Variants in GRIK1 observed in about 807,000 individuals in gnomAD.
GRIK1 encodes the protein glutamate ionotropic receptor kainate type subunit 1, also known as glutamate receptor ionotropic, kainate 1.
Under a neutral mutation model 105.7 loss-of-function variants are expected in GRIK1, and 69 were observed. That is an observed-to-expected ratio of 0.65 (90% confidence interval 0.54 to 0.80). The LOEUF is 0.80. Ranked by LOEUF, GRIK1 falls within the 30% of genes least tolerant of loss-of-function variation. The pLI is 0.00. For missense variants in GRIK1, 1,109 were observed against 1,167.3 expected (o/e 0.95, Z 0.73); for synonymous variants, 438 against 431.3 (o/e 1.02, Z -0.19).
intron 1 of GRIK1, among the ~76,000 whole-genome samples, chr21:29,745,121 C>T (rs762934604): frequency 1.3e-5 from 2 of 152,086 alleles, no homozygotes; most frequent in Non-Finnish European, 2.9e-5. Flanking sequence ...GGCAGAGTCT[C>T]TCTAATGCTT....
rs975183390 is a variant in GRIK1, at chr21:29,874,253, C to G, written c.118+65130G>C. Among the ~76,000 whole-genome samples the G allele has an allele frequency of 5.9e-5, 9 of 152,198 alleles. No homozygotes were observed. The South Asian group carries it at 1.2e-3, about 21-fold the overall frequency. On this transcript the variant is annotated intron_variant, in intron 1 of 17. Transcript: ENST00000327783. ...GGAAGTGGCCATGTTAAATGTTACCCGAGCCCTGTACCCCTGGATATCAGC... is the reference window on the plus strand; with the variant it reads ...GGAAGTGGCCATGTTAAATGTTACCGGAGCCCTGTACCCCTGGATATCAGC...
intron 1 of GRIK1, among the ~76,000 whole-genome samples, chr21:29,781,657 CT>C (rs71191125): frequency 0.06 from 4,139 of 69,100 alleles, 5 homozygotes; most frequent in Middle Eastern, 0.079. Context: ...CCTACTGTTT[CT>C]TTTTTTTTTT....
intron 7 of GRIK1, among the ~76,000 whole-genome samples, chr21:29,618,648 G>GAT (rs776975725): frequency 6.6e-6 from 1 of 152,096 alleles, no homozygotes; most frequent in African/African-American, 2.4e-5. Context: ...AAGAAAGTGT[G>GAT]ATATATATAT....
chr21:29,844,348 A>G (rs1230764061), intron 1 of GRIK1, among the ~76,000 whole-genome samples: 5 of 152,200 alleles, frequency 3.3e-5, no homozygotes, highest in Non-Finnish European at 7.3e-5. Flanking sequence ...CTGAGGGTCA[A>G]AATTAAACTC....
At chr21:29,863,274 C>T (rs950992463) in intron 1 of GRIK1, among the ~76,000 whole-genome samples, 3 of 152,116 alleles carry the variant, frequency 2.0e-5, no homozygotes, top group Non-Finnish European at 4.4e-5. Flanking sequence ...TTCAGTAAGT[C>T]AGGGGTGGAG....
At chr21:29,584,040 A>G (rs1411901863) in intron 12 of GRIK1, among the ~76,000 whole-genome samples, 2 of 152,200 alleles carry the variant, frequency 1.3e-5, no homozygotes, top group African/African-American at 4.8e-5. Context: ...CAAAACTTGC[A>G]TATAGAAGAG....
chr21:29,580,089 G>GTA (rs200371058), intron 13 of GRIK1, among the ~76,000 whole-genome samples: 2 of 143,396 alleles, frequency 1.4e-5, no homozygotes, highest in African/African-American at 5.2e-5. Flanking sequence ...ATATGTGTGT[G>GTA]TATATATATG....
intron 1 of GRIK1, among the ~76,000 whole-genome samples, chr21:29,726,006 C>T (rs1267182356): frequency 6.6e-6 from 1 of 152,074 alleles, no homozygotes; most frequent in Non-Finnish European, 1.5e-5. Context: ...AGATCTGGTT[C>T]AGGTGGAAAG....
At chr21:29,594,755 A>G (rs1195575632) in intron 9 of GRIK1, among the ~76,000 whole-genome samples, 1 of 152,200 alleles carries the variant, frequency 6.6e-6, no homozygotes, top group Non-Finnish European at 1.5e-5. Flanking sequence ...TCAACATCTA[A>G]AGTGGCTGAG....
chr21:29,751,375 C>T (rs2065197232), intron 1 of GRIK1, among the ~76,000 whole-genome samples: 1 of 152,198 alleles, frequency 6.6e-6, no homozygotes, highest in African/African-American at 2.4e-5. Flanking sequence ...ACATTTCTGT[C>T]CTTAGCTTAC....
intron 1 of GRIK1, among the ~76,000 whole-genome samples, chr21:29,837,363 C>T (rs1024271535): frequency 6.6e-6 from 1 of 152,120 alleles, no homozygotes; most frequent in Non-Finnish European, 1.5e-5. Context: ...TTCCGAAAGC[C>T]TTTAGCAGCA....
intron 1 of GRIK1, among the ~76,000 whole-genome samples, chr21:29,740,974 C>T (rs1332142423): frequency 6.6e-6 from 1 of 152,188 alleles, no homozygotes; most frequent in Admixed American, 6.5e-5. Flanking sequence ...GATGTAGAAA[C>T]CAACTCCCTT....
chr21:29,553,487 A>G (rs1344641176), intron 16 of GRIK1: 6 of 1,476,272 alleles, frequency 4.1e-6, no homozygotes, highest in Non-Finnish European at 5.3e-6. Flanking sequence ...GCAAATACAA[A>G]TATCAACAAC....
chr21:29,628,722 C>G lies in GRIK1; in HGVS notation c.1098+14104G>C, dbSNP rs141193005. On this transcript the variant is annotated intron_variant, in intron 7 of 17. Coordinates refer to ENST00000327783, the MANE Select transcript of GRIK1 (RefSeq NM_001330994.2). ...ATAGGTGAAGTGGGTGGGAATGGGG[C>G]TCTTGTCTAATTAGCTAGATAATGT... 1.3e-3 allele frequency among the ~76,000 whole-genome samples: 197 copies of G among 152,260 alleles called. 1 individual carries two copies. The highest frequency in any genetic ancestry group is 4.5e-3 in the African/African-American group (189 of 41,554).
intron 13 of GRIK1, among the ~76,000 whole-genome samples, chr21:29,577,696 A>T (rs879638355): frequency 1.3e-5 from 2 of 152,254 alleles, no homozygotes; most frequent in Non-Finnish European, 2.9e-5. Context: ...AGATGCAGCC[A>T]TACTTGACAG....
At chr21:29,644,509 A>G (rs2062578283) in intron 6 of GRIK1, among the ~76,000 whole-genome samples, 1 of 152,218 alleles carries the variant, frequency 6.6e-6, no homozygotes, top group African/African-American at 2.4e-5. Context: ...AAGAAAAAGC[A>G]TTTCATTCAT....
chr21:29,676,924 T>C (rs1433656194), intron 3 of GRIK1, among the ~76,000 whole-genome samples: 3 of 152,198 alleles, frequency 2.0e-5, no homozygotes, highest in Non-Finnish European at 2.9e-5. Flanking sequence ...AATAATAATA[T>C]TAGCAAATAT....
At chr21:29,834,104 T>A (rs1196464740) in intron 1 of GRIK1, among the ~76,000 whole-genome samples, 4 of 151,980 alleles carry the variant, frequency 2.6e-5, no homozygotes, top group Admixed American at 2.6e-4. Flanking sequence ...AAGAAGTGAA[T>A]GAATTGAAAG....
chr21:29,901,662 C>T (rs2070413431), intron 1 of GRIK1, among the ~76,000 whole-genome samples: 1 of 152,054 alleles, frequency 6.6e-6, no homozygotes, highest in Non-Finnish European at 1.5e-5. Flanking sequence ...AATAGCCTAC[C>T]AACCAAAAAA....
Sources: allele counts gnomAD v4.1 joint callset (sites outside exome capture counted in the v4.1 genomes callset), GRCh38; gene constraint gnomAD v4.1.1; transcripts MANE v1.5; gene names NCBI Gene and HGNC (gene_info 2026-07-23, HGNC 2026-07-21).